The following USP24 variants were observed in gnomAD, a reference collection of about 807,000 sequenced individuals.
USP24 encodes the protein ubiquitin carboxyl-terminal hydrolase 24.
USP24 carries 97 observed loss-of-function variants against 361.6 expected under a neutral mutation model. The observed-to-expected ratio is 0.27, with a 90% confidence interval of 0.23 to 0.32. The LOEUF (loss-of-function observed/expected upper bound fraction) is 0.32. Ranked by LOEUF, USP24 falls within the 10% of genes least tolerant of loss-of-function variation. The pLI, the probability that USP24 is intolerant of heterozygous loss-of-function variation, is 1.00. For missense variants in USP24, 2,353 were observed against 3,165.6 expected (o/e 0.74, Z 6.16); for synonymous variants, 1,098 against 1,124.6 (o/e 0.98, Z 0.47).
chr1:55,073,874 T>C lies in USP24; in HGVS notation c.7480A>G (p.Ser2494Gly), dbSNP rs1210706945. The change falls in exon 64 of 68, where the codon AGT becomes GGT. Residue 2494 changes from serine (S) to glycine (G), a missense_variant. Ser to Gly is a moderately conservative substitution (Grantham distance 56, BLOSUM62 0). Around this residue, in one of 8 missense-constraint regions of USP24, gnomAD observed 598 missense variants for 761.9 expected, o/e 0.78. Transcript: ENST00000294383. ...LMHHSNHVDS[S>G]RCYQCVKFLV... Reference sequence around the variant, plus strand: ...AATTTGACACACTGGTAGCAGCGACTACTGTCCACATGATTACTGTGGTGC... The same window carrying C: ...AATTTGACACACTGGTAGCAGCGACCACTGTCCACATGATTACTGTGGTGC... 1.3e-6 allele frequency: 2 copies of C among 1,581,636 alleles called. No homozygotes were observed. Among genetic ancestry groups the C allele is most frequent in the Admixed American group, 1.8e-5 (1 of 55,158 alleles).
In USP24 at chr1:55,100,940, T is replaced by C; in HGVS notation, c.5170A>G (p.Thr1724Ala). 1 of 1,612,262 alleles carries C rather than the reference T, an allele frequency of 6.2e-7. No individual in the cohort carries two copies. Among genetic ancestry groups the C allele is most frequent in the Non-Finnish European group, 8.5e-7 (1 of 1,179,454 alleles). Residue 1724 changes from threonine (T) to alanine (A), a missense_variant, in exon 44 of 68, where the codon ACA becomes GCA. Thr to Ala is a moderately conservative substitution (Grantham distance 58). Transcript: ENST00000294383. Reference protein sequence around the residue: ...PESLLSVDDDTDNPDDSVFYQ... With the variant: ...PESLLSVDDDADNPDDSVFYQ... ...AACACGCTATCATCTGGATTGTCTG[T>C]GTCATCATCCACTGAAAGTAATGAC...
In USP24 at chr1:55,154,166, C is replaced by T; in HGVS notation, c.1765G>A (p.Ala589Thr). 1.2e-6 allele frequency: 2 copies of T among 1,613,646 alleles called. No individual in the cohort carries two copies. The highest frequency in any genetic ancestry group is 1.7e-6 in the Non-Finnish European group (2 of 1,179,720). Residue 589 changes from alanine to threonine, a missense_variant, in exon 15 of 68, where the codon GCA (alanine) becomes ACA (threonine). By Grantham distance (58) the Ala-to-Thr change is moderately conservative (BLOSUM62 0). This residue lies in a region of USP24 where 386 missense variants were observed against 560.5 expected (regional missense o/e 0.69). Transcript: ENST00000294383. ...TTGATGATGTAGCTCCTCTTGATTG[C>T]TTCTTTCACTGCATATGCATCACTA... is the stretch of plus-strand genomic sequence containing the variant. ...ILSDAYAVKE[A>T]IKRSYIIKCI...
At position 55,138,641 on chromosome 1, in the gene USP24, G is replaced by A. The variant is rs747425870; in HGVS notation, c.2895C>T (p.Thr965=). The part of the protein sequence containing the change: ...FHGHLLTLNV[T]YESTKDTFTV... The stretch of plus-strand genomic sequence containing the variant: ...TGAAGGTATCTTTGGTAGACTCATA[G>A]GTAACATTAAGGGTTAAAAGATGTC... The change falls in exon 26 of 68, where the codon ACC becomes ACT. Residue 965 remains threonine, a synonymous_variant. Coordinates refer to ENST00000294383, the MANE Select transcript of USP24 (RefSeq NM_015306.3). The A allele has an allele frequency of 6.2e-7, 1 of 1,612,614 alleles. No individual in the cohort carries two copies. Among genetic ancestry groups the A allele is most frequent in the Non-Finnish European group, 8.5e-7 (1 of 1,179,240 alleles).
intron 1 of USP24, among the ~76,000 whole-genome samples, chr1:55,206,310 T>G (rs936936266): frequency 1.3e-5 from 2 of 152,192 alleles, no homozygotes; most frequent in Non-Finnish European, 2.9e-5. Context: ...TTGGTGTACA[T>G]GCAAAATGCA....
chr1:55,118,413 CGAAGTCAGACCCTTACCTTA>C (rs1646183568), intron 38 of USP24, among the ~76,000 whole-genome samples: 1 of 152,118 alleles, frequency 6.6e-6, no homozygotes, highest in African/African-American at 2.4e-5. Flanking sequence ...TGGAGAAAAA[CGAAGTCAGACCCTTACCTTA>C]CACCATAATG....
At chr1:55,154,863 A>G (rs1034853049) in intron 12 of USP24, 85 bp from the exon 13 acceptor site, 1 of 954,582 alleles carries the variant, frequency 1.0e-6, no homozygotes, top group Non-Finnish European at 1.6e-6. Context: ...CAGAAGCACA[A>G]GCAAAAATAT....
intron 59 of USP24, 59 bp from the exon 60 acceptor site, chr1:55,079,718 T>C (rs539053917): frequency 2.7e-6 from 4 of 1,499,682 alleles, no homozygotes; most frequent in Admixed American, 5.5e-5. Flanking sequence ...CTCCACAAAA[T>C]ACACATCCAT....
chr1:55,084,892 T>C (rs1557537893), intron 56 of USP24, among the ~76,000 whole-genome samples: 1 of 152,190 alleles, frequency 6.6e-6, no homozygotes, highest in African/African-American at 2.4e-5. Context: ...ACCCCATCTC[T>C]AGGGAGGCTG....
chr1:55,149,354 G>A (rs1647127874), intron 16 of USP24, among the ~76,000 whole-genome samples: 1 of 152,124 alleles, frequency 6.6e-6, no homozygotes, highest in Non-Finnish European at 1.5e-5. Context: ...TAACCAAAAA[G>A]CTGAGTAAAA....
intron 10 of USP24, 24 bp downstream of exon 10, chr1:55,158,854 T>C: frequency 1.4e-6 from 2 of 1,468,192 alleles, no homozygotes; most frequent in East Asian, 2.4e-5. Context: ...CATTAAGTCT[T>C]GTAGAAACAA....
chr1:55,084,256 T>A (rs1189949730), intron 56 of USP24: 1 of 184,040 alleles, frequency 5.4e-6, no homozygotes, highest in African/African-American at 2.4e-5. Flanking sequence ...CTACGTTACT[T>A]CTTCACATAA....
intron 5 of USP24, among the ~76,000 whole-genome samples, chr1:55,169,460 A>G (rs1649225764): frequency 6.6e-6 from 1 of 152,176 alleles, no homozygotes; most frequent in Non-Finnish European, 1.5e-5. Context: ...TTAACCATAG[A>G]TTCAGAAGCC....
intron 34 of USP24, 80 bp from the exon 35 acceptor site, chr1:55,124,708 C>A: frequency 6.8e-7 from 1 of 1,477,510 alleles, no homozygotes. Context: ...TTACAGGTCT[C>A]AGTTTCATAC....
chr1:55,190,862 GAGA>G (rs1644268118), intron 1 of USP24, among the ~76,000 whole-genome samples: 1 of 152,172 alleles, frequency 6.6e-6, no homozygotes, highest in African/African-American at 2.4e-5. Context: ...GTGCTCCAGA[GAGA>G]AGATTACAGA....
At chr1:55,115,192 T>A (rs1646070810) in intron 38 of USP24, among the ~76,000 whole-genome samples, 1 of 152,014 alleles carries the variant, frequency 6.6e-6, no homozygotes, top group Admixed American at 6.5e-5. Flanking sequence ...GATACCATCT[T>A]ACATGGTATC....
chr1:55,182,741 G>A (rs1644012569), intron 1 of USP24, among the ~76,000 whole-genome samples: 1 of 151,932 alleles, frequency 6.6e-6, no homozygotes, highest in Admixed American at 6.6e-5. Flanking sequence ...TTGAGACAGA[G>A]CCTCACTTTG....
chr1:55,184,229 G>C (rs954708750), intron 1 of USP24, among the ~76,000 whole-genome samples: 1 of 152,050 alleles, frequency 6.6e-6, no homozygotes, highest in African/African-American at 2.4e-5. Context: ...GCTAATTTTT[G>C]TATTTTTTAT....
At chr1:55,138,145 A>G (rs1297307285) in intron 26 of USP24, among the ~76,000 whole-genome samples, 1 of 151,814 alleles carries the variant, frequency 6.6e-6, no homozygotes, top group Non-Finnish European at 1.5e-5. Context: ...CTTCCACTGC[A>G]GCGTTGTCCA....
chr1:55,101,785 G>T, intron 42 of USP24, 82 bp from the exon 43 acceptor site: 1 of 1,432,162 alleles, frequency 7.0e-7, no homozygotes, highest in Non-Finnish European at 9.2e-7. Context: ...AGCTATGCGG[G>T]AGATATATTC....
Sources: allele counts gnomAD v4.1 joint callset (sites outside exome capture counted in the v4.1 genomes callset), GRCh38; gene constraint gnomAD v4.1.1; regional missense constraint gnomAD v4.1.1; transcripts MANE v1.5; gene names NCBI Gene and HGNC (gene_info 2026-07-23, HGNC 2026-07-21).